ITFG1: variants seen among roughly 807,000 people sequenced by gnomAD.
ITFG1 encodes T-cell immunomodulatory protein.
ITFG1 carries 34 observed loss-of-function variants against 81.8 expected under a neutral mutation model. The ratio of observed to expected loss-of-function variants is 0.42; its 90% CI spans 0.32 to 0.55. The LOEUF (loss-of-function observed/expected upper bound fraction) is 0.55. Ranked by LOEUF, ITFG1 falls within the 20% of genes least tolerant of loss-of-function variation. The pLI is 0.17. For missense variants in ITFG1, 672 were observed against 755.4 expected, an observed-to-expected ratio of 0.89 and a Z score of 1.29; for synonymous variants, 285 against 270.6, an observed-to-expected ratio of 1.05 and a Z score of -0.52.
intron 6 of ITFG1, among the ~76,000 whole-genome samples, chr16:47,401,538 T>C (rs1968661907): frequency 1.3e-5 from 2 of 152,154 alleles, no homozygotes; most frequent in African/African-American, 2.4e-5. Context: ...AAGTGTCAGA[T>C]GCTACCTAGA....
intron 12 of ITFG1, among the ~76,000 whole-genome samples, chr16:47,241,271 T>C (rs1372487882): frequency 6.6e-6 from 1 of 152,134 alleles, no homozygotes; most frequent in Non-Finnish European, 1.5e-5. Context: ...AAGTTCTCCT[T>C]TGACCCAGTA....
intron 8 of ITFG1, among the ~76,000 whole-genome samples, chr16:47,333,763 G>A (rs1006430972): frequency 6.6e-6 from 1 of 152,158 alleles, no homozygotes; most frequent in South Asian, 2.1e-4. Flanking sequence ...CATAAGACCC[G>A]TTTCGTGCTT....
At chr16:47,452,832 T>C in intron 3 of ITFG1, 42 bp from the exon 4 acceptor site, 1 of 1,057,826 alleles carries the variant, frequency 9.5e-7, no homozygotes, top group Non-Finnish European at 1.4e-6. Context: ...GCAGGCATTT[T>C]ATATTACTTT....
intron 13 of ITFG1, among the ~76,000 whole-genome samples, chr16:47,225,522 C>T (rs1965746476): frequency 6.6e-6 from 1 of 152,028 alleles, no homozygotes; most frequent in Non-Finnish European, 1.5e-5. Flanking sequence ...TTTTGAAAGC[C>T]AAAGATTGAA....
intron 10 of ITFG1, among the ~76,000 whole-genome samples, chr16:47,301,798 T>C (rs1967081066): frequency 6.6e-6 from 1 of 152,234 alleles, no homozygotes; most frequent in Non-Finnish European, 1.5e-5. Flanking sequence ...ATTTCATCTA[T>C]ATCTGGTGCT....
intron 6 of ITFG1, among the ~76,000 whole-genome samples, chr16:47,404,056 G>A (rs770889469): frequency 6.6e-5 from 10 of 152,000 alleles, no homozygotes; most frequent in Non-Finnish European, 1.2e-4. Context: ...TAAATGTAAC[G>A]CCCTTGAATC....
Position 47,217,782 on chromosome 16 carries a change from G to A in ITFG1, c.1453+1086C>T, listed in dbSNP as rs568264672. 9.2e-5 allele frequency among the ~76,000 whole-genome samples: 14 copies of A among 152,194 alleles called. No homozygotes were observed. In the South Asian group the frequency reaches 1.2e-3, roughly 14 times the overall value. On this transcript the variant is annotated intron_variant, in intron 14 of 17. Coordinates refer to ENST00000320640, the MANE Select transcript of ITFG1 (RefSeq NM_030790.5). ...CTACTAAAAATATAAAAAATTAGCCGGGTGTAGTGGCGGGCACCTGTGGTC... is the reference window on the plus strand; with the variant it reads ...CTACTAAAAATATAAAAAATTAGCCAGGTGTAGTGGCGGGCACCTGTGGTC...
At chr16:47,251,808 A>G (rs1213355200) in intron 12 of ITFG1, among the ~76,000 whole-genome samples, 1 of 152,270 alleles carries the variant, frequency 6.6e-6, no homozygotes, top group Non-Finnish European at 1.5e-5. Context: ...AAATAGAACA[A>G]TTGTAACAAT....
In ITFG1 at chr16:47,158,888, T is replaced by G. The variant is rs763899370; in HGVS notation, c.1764A>C (p.Leu588Phe). ...CVFILAIIGI[L>F]HWQEKKADDR... is the part of the protein sequence containing the mutation. ...ATGAACAAACCTTTTCCTGCCAATGTAAAATGCCAATTATTGCCAAGATGA... is the reference window on the plus strand; with the variant it reads ...ATGAACAAACCTTTTCCTGCCAATGGAAAATGCCAATTATTGCCAAGATGA... The change falls in exon 17 of 18, where the codon TTA becomes TTC. Residue 588 changes from leucine (L) to phenylalanine (F), a missense_variant. Around this residue, in one of 3 missense-constraint regions of ITFG1, gnomAD observed 65 missense variants for 103.3 expected, o/e 0.63. Coordinates refer to ENST00000320640, the MANE Select transcript of ITFG1 (RefSeq NM_030790.5). 1 of 1,580,174 alleles carries G rather than the reference T, an allele frequency of 6.3e-7. No individual in the cohort carries two copies. The highest frequency in any genetic ancestry group is 1.1e-5 in the South Asian group (1 of 88,248).
At chr16:47,305,989 A>G (rs979536711) in intron 10 of ITFG1, among the ~76,000 whole-genome samples, 2 of 152,152 alleles carry the variant, frequency 1.3e-5, no homozygotes, top group African/African-American at 4.8e-5. Flanking sequence ...AAAACGTGAA[A>G]ATCATTCCAT....
At chr16:47,364,642 A>G (rs1163202214) in intron 8 of ITFG1, among the ~76,000 whole-genome samples, 1 of 152,226 alleles carries the variant, frequency 6.6e-6, no homozygotes, top group Non-Finnish European at 1.5e-5. Flanking sequence ...TAAAGGCAAC[A>G]GAAATTTACT....
At chr16:47,420,979 T>C (rs1167860556) in intron 6 of ITFG1, among the ~76,000 whole-genome samples, 1 of 152,216 alleles carries the variant, frequency 6.6e-6, no homozygotes, top group Non-Finnish European at 1.5e-5. Context: ...ATTATCTTGC[T>C]GAATTGTTCT....
intron 14 of ITFG1, 85 bp from the exon 15 acceptor site, chr16:47,162,749 AT>A: frequency 1.7e-6 from 2 of 1,209,958 alleles, no homozygotes; most frequent in South Asian, 1.5e-5. Context: ...AATGTTAAAA[AT>A]TTAGGTACTG....
At chr16:47,448,772 T>C (rs576786095) in intron 5 of ITFG1, 1 of 152,278 alleles carries the variant, frequency 6.6e-6, no homozygotes, top group South Asian at 2.1e-4. Context: ...AAAATGCTCA[T>C]TATCAATAAC....
chr16:47,344,717 C>T (rs1301750669), intron 8 of ITFG1, among the ~76,000 whole-genome samples: 3 of 152,194 alleles, frequency 2.0e-5, no homozygotes, highest in African/African-American at 7.2e-5. Context: ...CTTCCCCACA[C>T]ACCTCATTAC....
chr16:47,254,024 C>T (rs1966111347), intron 12 of ITFG1, among the ~76,000 whole-genome samples: 1 of 152,030 alleles, frequency 6.6e-6, no homozygotes, highest in Non-Finnish European at 1.5e-5. Flanking sequence ...TATCAATGGA[C>T]AGAACTAACT....
intron 11 of ITFG1, 66 bp from the exon 12 acceptor site, chr16:47,258,806 T>A: frequency 1.6e-6 from 1 of 640,226 alleles, no homozygotes; most frequent in Non-Finnish European, 2.6e-6. Flanking sequence ...AAATGACCAT[T>A]AAAATGCATG....
At chr16:47,291,656 CTCTG>C (rs1217076508) in intron 10 of ITFG1, among the ~76,000 whole-genome samples, 2 of 151,686 alleles carry the variant, frequency 1.3e-5, no homozygotes, top group East Asian at 1.9e-4. Context: ...TTCTTTTTAT[CTCTG>C]TCTGGGTAAT....
intron 2 of ITFG1, among the ~76,000 whole-genome samples, chr16:47,455,576 C>G (rs1348815255): frequency 6.6e-6 from 1 of 151,466 alleles, no homozygotes; most frequent in Non-Finnish European, 1.5e-5. Context: ...TGAGACCAGC[C>G]TGGCCAACAT....
Sources: allele counts gnomAD v4.1 joint callset (sites outside exome capture counted in the v4.1 genomes callset), GRCh38; gene constraint gnomAD v4.1.1; regional missense constraint gnomAD v4.1.1; transcripts MANE v1.5; gene names NCBI Gene and HGNC (gene_info 2026-07-23, HGNC 2026-07-21).